The following MACROD2 variants were observed in gnomAD, a reference collection of about 807,000 sequenced individuals.
MACROD2 encodes ADP-ribose glycohydrolase MACROD2.
In MACROD2, 36 loss-of-function variants were observed where a neutral mutation model predicts 70.4. The ratio of observed to expected loss-of-function variants is 0.51; its 90% CI spans 0.39 to 0.68. The LOEUF is 0.68. Among genes scored for constraint, MACROD2 ranks in the 30% least tolerant of loss-of-function variants. The pLI, the probability that MACROD2 is intolerant of heterozygous loss-of-function variation, is 0.00. For missense variants in MACROD2, 496 were observed against 538.4 expected (o/e 0.92, Z 0.78); for synonymous variants, 172 against 178.8 (o/e 0.96, Z 0.30).
chr20:15,276,742 G>T (rs1352759989), intron 6 of MACROD2, among the ~76,000 whole-genome samples: 1 of 152,140 alleles, frequency 6.6e-6, no homozygotes, highest in Non-Finnish European at 1.5e-5. Flanking sequence ...GAAAATAAAA[G>T]ATAGCAGATG....
intron 5 of MACROD2, among the ~76,000 whole-genome samples, chr20:14,949,809 A>G (rs2074461237): frequency 1.3e-5 from 2 of 152,154 alleles, no homozygotes; most frequent in Admixed American, 1.3e-4. Flanking sequence ...AGTGTCTGTC[A>G]TTTGACCAGC....
intron 5 of MACROD2, among the ~76,000 whole-genome samples, chr20:15,198,410 A>T (rs1706480448): frequency 6.6e-6 from 1 of 152,208 alleles, no homozygotes; most frequent in Non-Finnish European, 1.5e-5. Flanking sequence ...ATTAGAAGGC[A>T]TAATAAAAAG....
At chr20:14,432,180 T>G (rs1164060422) in intron 3 of MACROD2, among the ~76,000 whole-genome samples, 1 of 152,190 alleles carries the variant, frequency 6.6e-6, no homozygotes, top group East Asian at 1.9e-4. Flanking sequence ...GCTCTAGCCA[T>G]GCTGTTCCTG....
chr20:15,765,231 T>C (rs2051503474), intron 8 of MACROD2, among the ~76,000 whole-genome samples: 1 of 152,144 alleles, frequency 6.6e-6, no homozygotes, highest in Non-Finnish European at 1.5e-5. Context: ...TGGATGCAAT[T>C]GCTAGCTTTT....
chr20:15,712,966 T>C (rs927634877), intron 8 of MACROD2, among the ~76,000 whole-genome samples: 3 of 152,344 alleles, frequency 2.0e-5, no homozygotes, highest in Non-Finnish European at 4.4e-5. Flanking sequence ...ATTCTCACTC[T>C]AAATCCTGGT....
At chr20:15,411,151 C>CACACACACACAT (rs2046073638) in intron 6 of MACROD2, among the ~76,000 whole-genome samples, 1 of 128,344 alleles carries the variant, frequency 7.8e-6, no homozygotes, top group Admixed American at 7.5e-5. Context: ...TATGTATTTA[C>CACACACACACAT]ACACACACAC....
intron 8 of MACROD2, among the ~76,000 whole-genome samples, chr20:15,805,973 C>A (rs539655749): frequency 6.6e-6 from 1 of 152,210 alleles, no homozygotes; most frequent in South Asian, 2.1e-4. Flanking sequence ...ATTTATTGGT[C>A]TTGAGAATTT....
chr20:15,995,507 G>C (rs1360264433), intron 15 of MACROD2, among the ~76,000 whole-genome samples: 1 of 150,182 alleles, frequency 6.7e-6, no homozygotes, highest in East Asian at 1.9e-4. Flanking sequence ...CCGCCACCGT[G>C]CCCGGCTAAT....
chr20:14,829,372 C>T (rs139291610), intron 5 of MACROD2, among the ~76,000 whole-genome samples: 3,098 of 151,804 alleles, frequency 0.02, 130 homozygotes, highest in African/African-American at 0.071. Flanking sequence ...CCTCGTGATC[C>T]ACCCGCCTCG....
intron 5 of MACROD2, among the ~76,000 whole-genome samples, chr20:14,702,563 ATACACATATATG>A: frequency 8.1e-6 from 1 of 123,344 alleles, no homozygotes; most frequent in Non-Finnish European, 1.7e-5. Context: ...GTATATATAT[ATACACATATATG>A]TGTATATATA....
At chr20:14,368,969 GATC>G (rs1354165365) in intron 3 of MACROD2, among the ~76,000 whole-genome samples, 1 of 152,202 alleles carries the variant, frequency 6.6e-6, no homozygotes, top group Non-Finnish European at 1.5e-5. Context: ...TGATCCTAGA[GATC>G]ATCTAAAGCT....
intron 5 of MACROD2, among the ~76,000 whole-genome samples, chr20:15,217,807 C>G (rs1463077080): frequency 6.6e-6 from 1 of 151,996 alleles, no homozygotes; most frequent in African/African-American, 2.4e-5. Context: ...CTCATCAAAG[C>G]CTGCATGCAA....
chr20:14,576,862 A>G (rs1307494303), intron 4 of MACROD2, among the ~76,000 whole-genome samples: 1 of 152,252 alleles, frequency 6.6e-6, no homozygotes, highest in Non-Finnish European at 1.5e-5. Context: ...GAACTTGGGT[A>G]TTCTCAAAGT....
intron 5 of MACROD2, among the ~76,000 whole-genome samples, chr20:15,184,768 A>G (rs1403534823): frequency 6.6e-6 from 1 of 152,214 alleles, no homozygotes; most frequent in Non-Finnish European, 1.5e-5. Flanking sequence ...TAGTTTTCAC[A>G]GGCCAGCTTA....
intron 5 of MACROD2, among the ~76,000 whole-genome samples, chr20:14,959,781 T>C (rs2074567782): frequency 6.6e-6 from 1 of 152,202 alleles, no homozygotes; most frequent in African/African-American, 2.4e-5. Context: ...TTTGGCAGGA[T>C]GGCTGACTAA....
Position 15,335,359 on chromosome 20 carries a change from G to GT in MACROD2, c.541-96037dup, listed in dbSNP as rs544006277. ...CATGCTCTTACTAGGTCATTCCAAG[G>GT]TTTTTTTTTCCATCTATTATATGTA... On this transcript the variant is annotated intron_variant, in intron 6 of 17. Transcript: ENST00000684519. Among the ~76,000 whole-genome samples, 549 of 150,784 alleles carry GT rather than the reference G, an allele frequency of 3.6e-3. 26 individuals carry two copies. The highest frequency in any genetic ancestry group is 0.012 in the African/African-American group (489 of 40,782).
chr20:15,469,701 A>G (rs2046940030), intron 7 of MACROD2, among the ~76,000 whole-genome samples: 1 of 152,192 alleles, frequency 6.6e-6, no homozygotes, highest in Non-Finnish European at 1.5e-5. Context: ...TGTCCAGAAG[A>G]CAACAGGATA....
chr20:15,944,331 T>C (rs894872776), intron 12 of MACROD2, among the ~76,000 whole-genome samples: 3 of 152,176 alleles, frequency 2.0e-5, no homozygotes, highest in Non-Finnish European at 4.4e-5. Flanking sequence ...CTCATAACCC[T>C]GGTGCCCAGA....
At chr20:14,623,708 T>C (rs1983966889) in intron 4 of MACROD2, among the ~76,000 whole-genome samples, 1 of 152,152 alleles carries the variant, frequency 6.6e-6, no homozygotes, top group Admixed American at 6.6e-5. Flanking sequence ...AAGCCAGTGG[T>C]AGCCATCCTC....
Sources: gnomAD v4.1 joint callset for allele counts (sites outside exome capture counted in the v4.1 genomes callset) on GRCh38, gnomAD v4.1.1 for gene constraint, MANE v1.5 for transcripts, NCBI Gene and HGNC (gene_info 2026-07-23, HGNC 2026-07-21) for gene names.